The following NFE2L2 variants were observed in gnomAD, a reference collection of about 807,000 sequenced individuals.
NFE2L2 encodes NFE2 like bZIP transcription factor 2, also known as nuclear factor erythroid 2-related factor 2.
A neutral mutation model predicts 49.6 loss-of-function variants in NFE2L2; 20 were observed. That is an observed-to-expected ratio of 0.40 (90% CI 0.28 to 0.59). NFE2L2 has a LOEUF of 0.59. Among genes scored for constraint, NFE2L2 ranks in the 20% least tolerant of loss-of-function variants. NFE2L2 has a pLI of 0.40. For synonymous variants in NFE2L2, 244 were observed against 256.5 expected (o/e 0.95, Z 0.47); for missense variants, 578 against 714.2 (o/e 0.81, Z 2.17).
chr2:177,238,773 C>G (rs1689843629), intron 1 of NFE2L2, among the ~76,000 whole-genome samples: 1 of 152,204 alleles, frequency 6.6e-6, no homozygotes, highest in Non-Finnish European at 1.5e-5. Context: ...CAGGGCAGGT[C>G]TGAATTAGAC....
Position 177,231,632 on chromosome 2 carries a change from A to G in NFE2L2, c.971T>C (p.Leu324Pro). Residue 324 changes from leucine (L) to proline (P), a missense_variant, in exon 5 of 5, where the codon CTT (leucine) becomes CCT (proline). Leu to Pro is a moderately conservative substitution (Grantham distance 98, BLOSUM62 -3). Coordinates refer to ENST00000397062, the MANE Select transcript of NFE2L2 (RefSeq NM_006164.5). ...GTGGTTTTGGTTGAAAGCTTTGCAA[A>G]GTGATAGATCAGAAACATCAATGGG... ...NGPIDVSDLS[L>P]CKAFNQNHPE... The G allele has an allele frequency of 6.2e-7, 1 of 1,614,184 alleles. No homozygotes were observed. The highest frequency in any genetic ancestry group is 8.5e-7 in the Non-Finnish European group (1 of 1,180,026).
At chr2:177,250,508 T>G (rs1210292031) in intron 1 of NFE2L2, among the ~76,000 whole-genome samples, 2 of 152,254 alleles carry the variant, frequency 1.3e-5, no homozygotes, top group Non-Finnish European at 2.9e-5. Flanking sequence ...GTACTTTCTA[T>G]GTGCTCAACA....
chr2:177,238,368 G>A (rs1689827510), intron 1 of NFE2L2, among the ~76,000 whole-genome samples: 1 of 152,190 alleles, frequency 6.6e-6, no homozygotes, highest in African/African-American at 2.4e-5. Context: ...AATTGTCAGT[G>A]TCAATCATGC....
Position 177,242,990 on chromosome 2 carries a change from G to A in NFE2L2, c.46-8719C>T, listed in dbSNP as rs141247651. 2.5e-3 allele frequency among the ~76,000 whole-genome samples: 382 copies of A among 150,780 alleles called. 3 individuals are homozygous for A. The highest frequency in any genetic ancestry group is 9.0e-3 in the African/African-American group (368 of 41,006). ...ACTTATGTAAGGGTTTCACTACTTT[G>A]CTGAGAGAATGGCTTGGTTTGACAA... On this transcript the variant is annotated intron_variant, in intron 1 of 4. Coordinates refer to ENST00000397062, the MANE Select transcript of NFE2L2 (RefSeq NM_006164.5).
intron 1 of NFE2L2, among the ~76,000 whole-genome samples, chr2:177,258,031 T>C (rs1690591419): frequency 6.6e-6 from 1 of 152,352 alleles, no homozygotes; most frequent in South Asian, 2.1e-4. Flanking sequence ...TAAAAAATAG[T>C]GATGCCTGGG....
intron 1 of NFE2L2, among the ~76,000 whole-genome samples, chr2:177,262,657 TAC>T (rs1690780996): frequency 6.6e-6 from 1 of 152,196 alleles, no homozygotes; most frequent in African/African-American, 2.4e-5. Flanking sequence ...AATTGGAAAA[TAC>T]ACACTTAATG....
chr2:177,240,198 G>T (rs1689893350), intron 1 of NFE2L2, among the ~76,000 whole-genome samples: 1 of 152,164 alleles, frequency 6.6e-6, no homozygotes. Context: ...AGGAGGAAAG[G>T]GAAGTGCCTA....
intron 1 of NFE2L2, among the ~76,000 whole-genome samples, chr2:177,261,748 T>C (rs947189767): frequency 6.6e-6 from 1 of 152,198 alleles, no homozygotes; most frequent in African/African-American, 2.4e-5. Context: ...CAGTAACTTA[T>C]CTATTATTAT....
At chr2:177,235,306 G>A (rs898719563) in intron 1 of NFE2L2, among the ~76,000 whole-genome samples, 7 of 149,912 alleles carry the variant, frequency 4.7e-5, no homozygotes, top group South Asian at 2.1e-4. Context: ...GTGTGGTGGC[G>A]CACACCTGTG....
Position 177,231,775 on chromosome 2 carries a change from T to A in NFE2L2, c.828A>T (p.Thr276=). 6.2e-7 allele frequency: 1 copy of A among 1,614,254 alleles called. No individual in the cohort carries two copies. The highest frequency in any genetic ancestry group is 1.3e-5 in the African/African-American group (1 of 75,078). ...ATTCATCACCAAAATCTGTGTTGACTGTGGCATCTGAATTTAATGAGTTCA... is the reference window on the plus strand; with the variant it reads ...ATTCATCACCAAAATCTGTGTTGACAGTGGCATCTGAATTTAATGAGTTCA... The part of the protein sequence containing the change: ...LTVNSLNSDA[T]VNTDFGDEFY... Residue 276 remains threonine (T), a synonymous_variant, in exon 5 of 5, where the codon ACA becomes ACT. Coordinates refer to ENST00000397062, the MANE Select transcript of NFE2L2 (RefSeq NM_006164.5).
intron 1 of NFE2L2, among the ~76,000 whole-genome samples, chr2:177,253,514 G>C (rs1690413014): frequency 6.6e-6 from 1 of 152,208 alleles, no homozygotes; most frequent in Admixed American, 6.5e-5. Flanking sequence ...ACAGCTTCAT[G>C]CCCTGAAAGA....
intron 1 of NFE2L2, among the ~76,000 whole-genome samples, chr2:177,247,081 C>T (rs1690158216): frequency 6.6e-6 from 1 of 152,070 alleles, no homozygotes; most frequent in Admixed American, 6.5e-5. Context: ...GTGAGGGTAT[C>T]CCTAAGATAA....
chr2:177,247,947 A>G (rs541239621), intron 1 of NFE2L2, among the ~76,000 whole-genome samples: 1 of 152,362 alleles, frequency 6.6e-6, no homozygotes, highest in Admixed American at 6.5e-5. Context: ...CCTTTCTAAT[A>G]GACAAGGCAG....
intron 1 of NFE2L2, among the ~76,000 whole-genome samples, chr2:177,253,571 G>A (rs1251432636): frequency 6.6e-6 from 1 of 152,192 alleles, no homozygotes; most frequent in Non-Finnish European, 1.5e-5. Flanking sequence ...GAATGAGTAC[G>A]TGTATATTAT....
intron 2 of NFE2L2, chr2:177,233,678 A>G: frequency 2.0e-6 from 1 of 509,716 alleles, no homozygotes. Context: ...CACACACAGT[A>G]ACGCCAGTAA....
chr2:177,254,584 G>C (rs1480223180), intron 1 of NFE2L2, among the ~76,000 whole-genome samples: 1 of 152,164 alleles, frequency 6.6e-6, no homozygotes, highest in Non-Finnish European at 1.5e-5. Flanking sequence ...CGTGGAACAG[G>C]ACTCTGCTCC....
chr2:177,258,048 C>T (rs942974161), intron 1 of NFE2L2, among the ~76,000 whole-genome samples: 3 of 152,164 alleles, frequency 2.0e-5, no homozygotes, highest in African/African-American at 7.2e-5. Context: ...TGGGCCCCAC[C>T]CCCAGAGATT....
intron 1 of NFE2L2, among the ~76,000 whole-genome samples, chr2:177,243,273 C>T (rs1690002464): frequency 6.6e-6 from 1 of 152,092 alleles, no homozygotes; most frequent in Admixed American, 6.6e-5. Flanking sequence ...TGGGCATGGA[C>T]TGACCAGGTG....
At position 177,230,859 on chromosome 2, in the gene NFE2L2, A is replaced by G; in HGVS notation, c.1744T>C (p.Ser582Pro). 1 of 1,611,060 alleles carries G rather than the reference A, an allele frequency of 6.2e-7. No individual in the cohort carries two copies. ...TTGCCATCTCTTGTTTGCTGCAGGG[A>G]GTATTCACTAGGAGAATAAGGTTTT... ...DGKPYSPSEY[S>P]LQQTRDGNVF... The change falls in exon 5 of 5, where the codon TCC becomes CCC. Residue 582 changes from serine to proline, a missense_variant. Physicochemically the swap from Ser to Pro is moderately conservative, Grantham distance 74 (BLOSUM62 -1). This residue lies in a region of NFE2L2 where 117 missense variants were observed against 175.8 expected (regional missense o/e 0.67). Coordinates refer to ENST00000397062, the MANE Select transcript of NFE2L2 (RefSeq NM_006164.5).
Sources: gnomAD v4.1 joint callset for allele counts (sites outside exome capture counted in the v4.1 genomes callset) on GRCh38, gnomAD v4.1.1 for gene constraint, gnomAD v4.1.1 regional missense constraint, MANE v1.5 for transcripts, NCBI Gene and HGNC (gene_info 2026-07-23, HGNC 2026-07-21) for gene names.